The following TANC1 variants were observed in gnomAD, a reference collection of about 807,000 sequenced individuals.
The protein encoded by TANC1 is protein TANC1.
A neutral mutation model predicts 149.7 loss-of-function variants in TANC1; 77 were observed. That is an observed-to-expected ratio of 0.51 (90% CI 0.43 to 0.62). The LOEUF (loss-of-function observed/expected upper bound fraction) is 0.62. Among genes scored for constraint, TANC1 ranks in the 20% least tolerant of loss-of-function variants. The probability of loss-of-function intolerance (pLI) is 0.00; values close to 1 mark genes in which losing one functional copy is unlikely to be tolerated. For missense variants in TANC1, 1,985 were observed against 2,321.8 expected (o/e 0.85, Z 2.98); for synonymous variants, 854 against 925.0 (o/e 0.92, Z 1.39).
At chr2:159,057,593 A>G (rs1004130015) in intron 2 of TANC1, among the ~76,000 whole-genome samples, 1 of 152,240 alleles carries the variant, frequency 6.6e-6, no homozygotes, top group Non-Finnish European at 1.5e-5. Flanking sequence ...ACTTAAAGTT[A>G]TTAAAGGATA....
Position 159,228,905 on chromosome 2 carries a change from T to G in TANC1, c.4151+9T>G, listed in dbSNP as rs1195635543. 2 of 1,607,522 alleles carry G rather than the reference T, an allele frequency of 1.2e-6. No homozygotes were observed. The highest frequency in any genetic ancestry group is 2.2e-5 in the South Asian group (2 of 90,844). ...GCGAAGAGAAATAGCAGGTACCGTC[T>G]GTGGTTATCTTTGTGTCTAGAGCTT... On this transcript the variant is annotated intron_variant, in intron 26 of 26. Transcript: ENST00000263635.
chr2:159,018,156 T>G (rs992372287), intron 2 of TANC1, among the ~76,000 whole-genome samples: 1 of 152,194 alleles, frequency 6.6e-6, no homozygotes, highest in Non-Finnish European at 1.5e-5. Context: ...GGAGTCTGTT[T>G]GGAGCATTTT....
At chr2:159,056,346 CTG>C (rs1413640912) in intron 2 of TANC1, 1 of 155,098 alleles carries the variant, frequency 6.4e-6, no homozygotes, top group Non-Finnish European at 1.4e-5. Flanking sequence ...GAGTCTTGCT[CTG>C]TCGCCCAGGC....
At chr2:159,188,049 A>G (rs1257464008) in intron 16 of TANC1, among the ~76,000 whole-genome samples, 1 of 152,126 alleles carries the variant, frequency 6.6e-6, no homozygotes, top group Admixed American at 6.5e-5. Flanking sequence ...AGAGTTAATC[A>G]TTTTTACTTT....
intron 2 of TANC1, among the ~76,000 whole-genome samples, chr2:159,052,432 T>A (rs1166403222): frequency 2.0e-5 from 3 of 152,188 alleles, no homozygotes; most frequent in Admixed American, 6.5e-5. Flanking sequence ...TGTGTGCCAA[T>A]CAGTAAGTTA....
At chr2:159,174,221 C>T (rs2055586877) in intron 11 of TANC1, among the ~76,000 whole-genome samples, 1 of 152,152 alleles carries the variant, frequency 6.6e-6, no homozygotes, top group Non-Finnish European at 1.5e-5. Context: ...AGCGTCTGGC[C>T]CTTTCGTGGG....
intron 1 of TANC1, among the ~76,000 whole-genome samples, chr2:158,990,852 T>G (rs563250704): frequency 1.3e-5 from 2 of 151,958 alleles, no homozygotes; most frequent in Admixed American, 1.3e-4. Context: ...GTGGGCGGAT[T>G]GCTTGAGCTC....
intron 18 of TANC1, among the ~76,000 whole-genome samples, chr2:159,197,512 A>AGCTG (rs897297368): frequency 1.3e-5 from 2 of 152,172 alleles, no homozygotes; most frequent in Admixed American, 1.3e-4. Flanking sequence ...TCGAGTGGGA[A>AGCTG]GCTGGCTGGC....
At chr2:158,982,843 C>G (rs963457103) in intron 1 of TANC1, among the ~76,000 whole-genome samples, 1 of 152,028 alleles carries the variant, frequency 6.6e-6, no homozygotes, top group Non-Finnish European at 1.5e-5. Flanking sequence ...AGGCTGGTCT[C>G]GAATGCCTGG....
chr2:159,216,521 A>ACG (rs915430119), intron 19 of TANC1, among the ~76,000 whole-genome samples: 2 of 152,086 alleles, frequency 1.3e-5, no homozygotes, highest in African/African-American at 4.8e-5. Context: ...TCCTCTCTAG[A>ACG]CAATGATTCT....
chr2:159,219,977 A>AGAGAGAGTGTGTGTGTGTGT lies in TANC1; in HGVS notation c.3678+111_3678+112insAGAGAGTGTGTGTGTGTGTG, dbSNP rs1553616294. On this transcript the variant is annotated intron_variant, in intron 22 of 26. Transcript: ENST00000263635. ...AGGTTGTGTCTCAGTGTCATCAGAGAGTGTGTGTGTGTGTGTGTGTGTGTG... is the reference window on the plus strand; with the variant it reads ...AGGTTGTGTCTCAGTGTCATCAGAGAGAGAGAGTGTGTGTGTGTGTGTGTGTGTGTGTGTGTGTGTGTGTG... 7.5e-6 allele frequency: 4 copies of AGAGAGAGTGTGTGTGTGTGT among 535,358 alleles called. No individual in the cohort carries two copies. The African/African-American group carries it at 8.4e-5, about 11-fold the overall frequency. The allele number at this position is 535,358 out of a possible 1,614,324, so 33.2% of individuals were successfully genotyped here. A position where few individuals can be genotyped will look rare whatever the true frequency, so the allele number is the denominator to read the frequency against.
intron 3 of TANC1, among the ~76,000 whole-genome samples, chr2:159,085,401 A>G (rs947083862): frequency 1.3e-5 from 2 of 152,158 alleles, no homozygotes; most frequent in African/African-American, 4.8e-5. Flanking sequence ...ATATAGATGT[A>G]AAGTGCTTAG....
At position 159,194,345 on chromosome 2, in the gene TANC1, A is replaced by T; in HGVS notation, c.2831A>T (p.His944Leu). 6.2e-7 allele frequency: 1 copy of T among 1,614,208 alleles called. No individual in the cohort carries two copies. The highest frequency in any genetic ancestry group is 2.2e-5 in the East Asian group (1 of 44,884). Residue 944 changes from histidine (H) to leucine (L), a missense_variant, in exon 17 of 27, where the codon CAC becomes CTC. Transcript: ENST00000263635. ...GCCCCAATCCTGTGCGTCCAGTCTC[A>T]CCTTGGCCACGAGGAAGTTGTCACT... ...NNAPILCVQS[H>L]LGHEEVVTLL... is the part of the protein sequence containing the mutation.
At chr2:159,108,106 T>C (rs1426811542) in intron 4 of TANC1, among the ~76,000 whole-genome samples, 2 of 152,250 alleles carry the variant, frequency 1.3e-5, no homozygotes, top group East Asian at 3.8e-4. Flanking sequence ...AAAATACTAA[T>C]GGACGCATAG....
intron 1 of TANC1, among the ~76,000 whole-genome samples, chr2:158,969,485 T>A (rs2032509317): frequency 6.6e-6 from 1 of 152,210 alleles, no homozygotes; most frequent in Admixed American, 6.5e-5. Context: ...GCGGTAATTG[T>A]CAAGATTGTG....
At chr2:159,131,148 T>C (rs1199065728) in intron 4 of TANC1, among the ~76,000 whole-genome samples, 1 of 151,852 alleles carries the variant, frequency 6.6e-6, no homozygotes, top group Non-Finnish European at 1.5e-5. Context: ...AGCTGGGGGC[T>C]GGGGGTGGGA....
At chr2:159,228,526 C>T (rs2060155325) in intron 25 of TANC1, 2 of 436,688 alleles carry the variant, frequency 4.6e-6, no homozygotes, top group Non-Finnish European at 8.3e-6. Flanking sequence ...CTCTCTGAGG[C>T]TGCCCCTCCA....
intron 19 of TANC1, among the ~76,000 whole-genome samples, chr2:159,207,044 G>T (rs2058655229): frequency 6.6e-6 from 1 of 152,162 alleles, no homozygotes; most frequent in Non-Finnish European, 1.5e-5. Context: ...TTAAATTGAG[G>T]TTACATTATT....
chr2:159,216,827 C>A (rs1382166193), intron 19 of TANC1, among the ~76,000 whole-genome samples: 3 of 152,100 alleles, frequency 2.0e-5, no homozygotes, highest in East Asian at 1.9e-4. Flanking sequence ...TAAAGAGATT[C>A]TTTAACAAGG....
Sources: gnomAD v4.1 joint callset for allele counts (sites outside exome capture counted in the v4.1 genomes callset) on GRCh38, gnomAD v4.1.1 for gene constraint, MANE v1.5 for transcripts, NCBI Gene and HGNC (gene_info 2026-07-23, HGNC 2026-07-21) for gene names.